Variants in PI4KA observed in about 807,000 individuals in gnomAD.
PI4KA encodes the protein PI4-kinase alpha.
Under a neutral mutation model 271.4 loss-of-function variants are expected in PI4KA, and 122 were observed. The observed-to-expected ratio is 0.45, with a 90% confidence interval of 0.39 to 0.52. The LOEUF (loss-of-function observed/expected upper bound fraction) is 0.52. PI4KA is among the 20% of genes least tolerant of loss of function. PI4KA has a pLI of 0.00. For synonymous variants in PI4KA, 1,041 were observed against 1,078.8 expected, an observed-to-expected ratio of 0.96 and a Z score of 0.69; for missense variants, 1,969 against 2,769.1, an observed-to-expected ratio of 0.71 and a Z score of 6.48.
intron 27 of PI4KA, 141 bp downstream of exon 27, chr22:20,751,152 C>T (rs1930639865): frequency 1.5e-6 from 1 of 661,912 alleles, no homozygotes; most frequent in South Asian, 1.9e-5. Context: ...TTGGTCTCCT[C>T]ACTGGGGGAT....
At chr22:20,767,926 C>G (rs1206211111) in intron 19 of PI4KA, among the ~76,000 whole-genome samples, 1 of 144,156 alleles carries the variant, frequency 6.9e-6, no homozygotes, top group Non-Finnish European at 1.5e-5. Flanking sequence ...TGAGCCACCA[C>G]ACCTGGCCTA....
At position 20,838,689 on chromosome 22, in the gene PI4KA, T is replaced by A; in HGVS notation, c.199A>T (p.Ile67Phe). The change falls in exon 2 of 55, where the codon ATC (isoleucine) becomes TTC (phenylalanine). Residue 67 changes from isoleucine to phenylalanine, a missense_variant. Physicochemically the swap from Ile to Phe is conservative, Grantham distance 21 (BLOSUM62 0). Transcript: ENST00000255882. Reference sequence around the variant, plus strand: ...CTCCGTCTTTCATCTAACTGGAAGATCCCATGGAAATCCACTGGACACATG... The same window carrying A: ...CTCCGTCTTTCATCTAACTGGAAGAACCCATGGAAATCCACTGGACACATG... ...LCMCPVDFHGIFQLDERRRDA... is the reference protein window; with the variant it reads ...LCMCPVDFHGFFQLDERRRDA... 6.2e-7 allele frequency: 1 copy of A among 1,613,476 alleles called. No individual in the cohort carries two copies. Among genetic ancestry groups the A allele is most frequent in the Non-Finnish European group, 8.5e-7 (1 of 1,179,494 alleles).
At chr22:20,843,792 C>T (rs1210902638) in intron 1 of PI4KA, among the ~76,000 whole-genome samples, 1 of 152,188 alleles carries the variant, frequency 6.6e-6, no homozygotes, top group Non-Finnish European at 1.5e-5. Context: ...CATTTTGTCT[C>T]TTCCTACTCC....
At chr22:20,753,055 C>A in intron 24 of PI4KA, 28 bp from the exon 25 acceptor site, 1 of 1,614,212 alleles carries the variant, frequency 6.2e-7, no homozygotes, top group Non-Finnish European at 8.5e-7. Context: ...ACAGGTACCG[C>A]AGTGCCCCAG....
At chr22:20,811,174 T>C (rs947915930) in intron 8 of PI4KA, 142 bp from the exon 9 acceptor site, 5 of 681,524 alleles carry the variant, frequency 7.3e-6, no homozygotes, top group African/African-American at 7.0e-5. Context: ...ATTATGGCTA[T>C]GTATCAAACT....
At chr22:20,794,460 T>G (rs1197785152) in intron 18 of PI4KA, among the ~76,000 whole-genome samples, 1 of 152,136 alleles carries the variant, frequency 6.6e-6, no homozygotes, top group Non-Finnish European at 1.5e-5. Context: ...ACTGAGGTGG[T>G]CCCAGCTGTG....
chr22:20,854,246 A>G (rs1306162784), intron 1 of PI4KA, among the ~76,000 whole-genome samples: 1 of 151,992 alleles, frequency 6.6e-6, no homozygotes, highest in Non-Finnish European at 1.5e-5. Context: ...TCAGCCTCCC[A>G]AGTAGCTGGG....
intron 2 of PI4KA, among the ~76,000 whole-genome samples, chr22:20,837,592 T>C (rs1197926203): frequency 1.3e-5 from 2 of 152,160 alleles, no homozygotes; most frequent in African/African-American, 4.8e-5. Flanking sequence ...TAGATAAATA[T>C]TCAAATATCT....
rs1167598352 is a variant in PI4KA at position 20,802,056 on chromosome 22, T to C, written c.1641A>G (p.Ser547=). 47 of 1,613,944 alleles carry C rather than the reference T, an allele frequency of 2.9e-5. No homozygotes were observed. The highest frequency in any genetic ancestry group is 3.3e-5 in the Non-Finnish European group (39 of 1,179,930). The change falls in exon 14 of 55, where the codon TCA becomes TCG. Residue 547 remains serine, a synonymous_variant. Transcript: ENST00000255882. ...TCTTACCCGACATGACGTTCAGGGT[T>C]GACTCGGAATGCTCATTGGTCACAC... ...KISVTNEHSE[S]TLNVMSGKKS... is the part of the protein sequence containing the mutation.
chr22:20,773,513 C>T (rs1256523365), intron 19 of PI4KA, among the ~76,000 whole-genome samples: 1 of 152,252 alleles, frequency 6.6e-6, no homozygotes, highest in Non-Finnish European at 1.5e-5. Context: ...ATCTGTCCCA[C>T]AACAGACAGG....
chr22:20,808,078 G>T (rs1316907839), intron 9 of PI4KA, among the ~76,000 whole-genome samples: 2 of 149,678 alleles, frequency 1.3e-5, no homozygotes, highest in Admixed American at 6.7e-5. Context: ...ATCACCTGAG[G>T]TCGGGAGTTT....
chr22:20,853,741 T>A (rs1927268109), intron 1 of PI4KA, among the ~76,000 whole-genome samples: 1 of 152,034 alleles, frequency 6.6e-6, no homozygotes, highest in Non-Finnish European at 1.5e-5. Context: ...TATGGGAACA[T>A]GGCAGGAGTC....
At chr22:20,833,714 G>A (rs532566869) in intron 3 of PI4KA, among the ~76,000 whole-genome samples, 3 of 145,694 alleles carry the variant, frequency 2.1e-5, no homozygotes, top group Admixed American at 7.0e-5. Context: ...AGGCTGGAGT[G>A]CAGTAGCATA....
Position 20,805,074 on chromosome 22 carries a change from G to T in PI4KA, c.1260C>A (p.Asp420Glu), listed in dbSNP as rs377351250. Reference sequence around the variant, plus strand: ...TCAGCTCATTGTGGATCCGGTCTGCGTCATGTAGAATCTTCTGGAGCTCCC... The same window carrying T: ...TCAGCTCATTGTGGATCCGGTCTGCTTCATGTAGAATCTTCTGGAGCTCCC... ...SQGELQKILH[D>E]ADRIHNELSP... The change falls in exon 11 of 55, where the codon GAC (aspartate) becomes GAA (glutamate). Residue 420 changes from aspartate (D) to glutamate (E), a missense_variant. Transcript: ENST00000255882. The T allele has an allele frequency of 1.5e-5, 25 of 1,613,988 alleles. No individual in the cohort carries two copies. Among genetic ancestry groups the T allele is most frequent in the Non-Finnish European group, 2.1e-5 (25 of 1,179,848 alleles).
At chr22:20,769,877 ATGGTAGCACAGC>A (rs1932795497) in intron 19 of PI4KA, among the ~76,000 whole-genome samples, 2 of 152,180 alleles carry the variant, frequency 1.3e-5, no homozygotes, top group African/African-American at 4.8e-5. Context: ...CCCAGGAGTG[ATGGTAGCACAGC>A]ACAGGGCAGA....
chr22:20,732,928 C>A, intron 36 of PI4KA, 43 bp downstream of exon 36: 2 of 1,609,944 alleles, frequency 1.2e-6, no homozygotes, highest in Non-Finnish European at 1.7e-6. Flanking sequence ...GCACCCCTGT[C>A]CTGCCTGCCT....
At chr22:20,723,528 T>C (rs1926995522) in intron 42 of PI4KA, among the ~76,000 whole-genome samples, 1 of 151,528 alleles carries the variant, frequency 6.6e-6, no homozygotes, top group African/African-American at 2.4e-5. Context: ...GGAAACCTCA[T>C]GTCTATTAAA....
At chr22:20,785,918 A>C in intron 19 of PI4KA, 1 of 1,560,408 alleles carries the variant, frequency 6.4e-7, no homozygotes, top group African/African-American at 1.4e-5. Flanking sequence ...GATAAATATA[A>C]CCCGTGGCCC....
intron 51 of PI4KA, 83 bp from the exon 52 acceptor site, chr22:20,710,941 A>AGG (rs2147165075): frequency 6.6e-7 from 1 of 1,512,356 alleles, no homozygotes; most frequent in East Asian, 2.3e-5. Flanking sequence ...GGAGTGGAAA[A>AGG]GGACTGCAAC....
Sources: gnomAD v4.1 joint callset for allele counts (sites outside exome capture counted in the v4.1 genomes callset) on GRCh38, gnomAD v4.1.1 for gene constraint, MANE v1.5 for transcripts, NCBI Gene and HGNC (gene_info 2026-07-23, HGNC 2026-07-21) for gene names.